TP73: variants seen among roughly 807,000 people sequenced by gnomAD.
The protein encoded by TP73 is tumor protein p73.
TP73 carries 25 observed loss-of-function variants against 62.5 expected under a neutral mutation model. That is an observed-to-expected ratio of 0.40 (90% CI 0.29 to 0.56). TP73 has a LOEUF of 0.56. Ranked by LOEUF, TP73 falls within the 20% of genes least tolerant of loss-of-function variation. The probability of loss-of-function intolerance (pLI) is 0.46; values close to 1 mark genes in which losing one functional copy is unlikely to be tolerated. For missense variants in TP73, 754 were observed against 913.3 expected (o/e 0.83, Z 2.25); for synonymous variants, 423 against 377.5 (o/e 1.12, Z -1.40).
intron 6 of TP73, 37 bp downstream of exon 6, chr1:3,723,506 G>C (rs751324749): frequency 4.3e-6 from 6 of 1,394,486 alleles, no homozygotes; most frequent in Non-Finnish European, 6.1e-6. Context: ...GGGCCCTGCA[G>C]TCAGCTGTAC....
intron 6 of TP73, among the ~76,000 whole-genome samples, chr1:3,726,267 G>A: frequency 9.2e-6 from 1 of 108,246 alleles, no homozygotes; most frequent in Non-Finnish European, 2.1e-5. Flanking sequence ...GGGTGTGGGG[G>A]GTGGATGTGT....
At position 3,727,675 on chromosome 1, in the gene TP73, G is replaced by A. The variant is rs2124520741; in HGVS notation, c.890G>A (p.Cys297Tyr). Residue 297 changes from cysteine (C) to tyrosine (Y), a missense_variant, in exon 8 of 14, where the codon TGT (cysteine) becomes TAT (tyrosine). This residue lies in a region of TP73 where 458 missense variants were observed against 528.7 expected (regional missense o/e 0.87). Transcript: ENST00000378295. Reference protein sequence around the residue: ...RRSFEGRICACPGRDRKADED... With the variant: ...RRSFEGRICAYPGRDRKADED... ...TCCTTTGAGGGCCGCATCTGCGCCT[G>A]TCCTGGCCGCGACCGAAAAGCTGAT... 6.3e-7 allele frequency: 1 copy of A among 1,597,240 alleles called. No individual in the cohort carries two copies.
intron 4 of TP73, among the ~76,000 whole-genome samples, chr1:3,717,802 G>T (rs1027343058): frequency 6.6e-6 from 1 of 152,178 alleles, no homozygotes; most frequent in African/African-American, 2.4e-5. Flanking sequence ...CCCAGATGCT[G>T]CCAGGGCAGG....
At position 3,663,886 on chromosome 1, in the gene TP73, C is replaced by T. The variant is rs1230085367; in HGVS notation, c.-34+11245C>T. 6.6e-6 allele frequency among the ~76,000 whole-genome samples: 1 copy of T among 152,156 alleles called. No homozygotes were observed. The highest frequency in any genetic ancestry group is 2.4e-5 in the African/African-American group (1 of 41,432). ...GTGACAGGGAGCAGGAGAGAGCATA[C>T]CTGCTTTCCCTGGCTTCTCAGATGC... On this transcript the variant is annotated intron_variant, in intron 1 of 13. Coordinates refer to ENST00000378295, the MANE Select transcript of TP73 (RefSeq NM_005427.4). The surrounding 1 kb of genome is among the most constrained non-coding windows in gnomAD (Gnocchi z 4.7).
At chr1:3,712,452 A>T (rs949821125) in intron 4 of TP73, 6 of 152,058 alleles carry the variant, frequency 3.9e-5, no homozygotes, top group African/African-American at 1.4e-4. Context: ...GAGGTCACAG[A>T]ACTTAGCCTT....
rs1640677039 is a variant in TP73 at position 3,717,231 on chromosome 1, C to T, written c.430-4790C>T. Among the ~76,000 whole-genome samples, 2 of 152,214 alleles carry T rather than the reference C, an allele frequency of 1.3e-5. 1 individual carries two copies. The highest frequency in any genetic ancestry group is 4.1e-4 in the South Asian group (2 of 4,826). The stretch of plus-strand genomic sequence containing the variant: ...GCGGGCACAAGGAAATTAGCAGCCC[C>T]CCGCTGCACCCTCCCCTCACCCACC... On this transcript the variant is annotated intron_variant, in intron 4 of 13. Transcript: ENST00000378295.
rs2124521699 is a variant in TP73, at chr1:3,727,784, CA to C, written c.985+15del. The stretch of plus-strand genomic sequence containing the variant: ...CCAGCAAGCGTGGTGAGCGGCCGGC[CA>C]GGGGAACTGGACGCGTGTGGGAGGA... On this transcript the variant is annotated intron_variant, in intron 8 of 13. Transcript: ENST00000378295. 1.3e-6 allele frequency: 2 copies of C among 1,525,212 alleles called. No individual in the cohort carries two copies. The highest frequency in any genetic ancestry group is 8.8e-7 in the Non-Finnish European group (1 of 1,134,976). 94.5% of individuals were successfully genotyped at this position (1,525,212 alleles called of 1,614,324 possible). A position where few individuals can be genotyped will look rare whatever the true frequency, so the allele number is the denominator to read the frequency against.
intron 1 of TP73, among the ~76,000 whole-genome samples, chr1:3,676,647 G>A (rs1645379222): frequency 1.3e-5 from 2 of 152,128 alleles, no homozygotes; most frequent in African/African-American, 4.8e-5. Flanking sequence ...GTGCGGCCAG[G>A]CCATCAGAGG....
intron 1 of TP73, among the ~76,000 whole-genome samples, chr1:3,658,040 G>A (rs535833567): frequency 8.5e-5 from 13 of 152,360 alleles, no homozygotes; most frequent in African/African-American, 2.9e-4. Flanking sequence ...ACCTCTCAGG[G>A]AGTTGGACAG....
In TP73 at chr1:3,735,200, A is replaced by C. The variant is rs1278311599; in HGVS notation, c.*2121A>C. ...CCCGAGGCCACCTCCTGAAGCCCCC[A>C]CTCTTCCCCCATGTTCCACTTCAGG... is the stretch of plus-strand genomic sequence containing the variant. On this transcript the variant is annotated 3_prime_UTR_variant, in exon 14 of 14. Coordinates refer to ENST00000378295, the MANE Select transcript of TP73 (RefSeq NM_005427.4). The C allele has an allele frequency of 6.6e-6, 1 of 151,598 alleles. No homozygotes were observed. The highest frequency in any genetic ancestry group is 2.4e-5 in the African/African-American group (1 of 41,154). 9.4% of individuals were successfully genotyped at this position (151,598 alleles called of 1,614,324 possible).
chr1:3,733,081 G>C lies in TP73; in HGVS notation c.*2G>C. On this transcript the variant is annotated 3_prime_UTR_variant, in exon 14 of 14. Coordinates refer to ENST00000378295, the MANE Select transcript of TP73 (RefSeq NM_005427.4). Reference sequence around the variant, plus strand: ...TTCACGGAGGCCGAGATCCACTGAGGGCCTCGCCTGGCTGCAGCCTGCGCC... The same window carrying C: ...TTCACGGAGGCCGAGATCCACTGAGCGCCTCGCCTGGCTGCAGCCTGCGCC... 6.6e-7 allele frequency: 1 copy of C among 1,526,474 alleles called. No individual in the cohort carries two copies. The highest frequency in any genetic ancestry group is 8.8e-7 in the Non-Finnish European group (1 of 1,139,184). 94.6% of individuals were successfully genotyped at this position (1,526,474 alleles called of 1,614,324 possible). A position where few individuals can be genotyped will look rare whatever the true frequency, so the allele number is the denominator to read the frequency against.
intron 6 of TP73, among the ~76,000 whole-genome samples, chr1:3,724,054 G>A (rs2124489528): frequency 2.0e-5 from 3 of 152,248 alleles, no homozygotes; most frequent in Middle Eastern, 6.8e-3. Context: ...GGGGACTGGG[G>A]GGCATATAGG....
intron 3 of TP73, among the ~76,000 whole-genome samples, chr1:3,697,890 C>G (rs1638810073): frequency 6.6e-6 from 1 of 152,202 alleles, no homozygotes; most frequent in African/African-American, 2.4e-5. Flanking sequence ...CCTGGACCGC[C>G]TTCTCCACCT....
At chr1:3,676,784 C>T (rs1645382208) in intron 1 of TP73, among the ~76,000 whole-genome samples, 1 of 151,900 alleles carries the variant, frequency 6.6e-6, no homozygotes, top group Admixed American at 6.6e-5. Context: ...TGAGGCCCTG[C>T]AAAGTGCCTG....
At chr1:3,716,870 G>A (rs926424892) in intron 4 of TP73, among the ~76,000 whole-genome samples, 1 of 152,174 alleles carries the variant, frequency 6.6e-6, no homozygotes, top group Non-Finnish European at 1.5e-5. Context: ...TCTAGGGAGA[G>A]GAAGGGTCCA....
chr1:3,707,111 G>A (rs549300133), intron 3 of TP73, among the ~76,000 whole-genome samples: 17 of 152,260 alleles, frequency 1.1e-4, no homozygotes, highest in Middle Eastern at 3.4e-3. Flanking sequence ...TGCACTCAGG[G>A]CCCACTTGTG....
In TP73 at chr1:3,730,799, T is replaced by A; in HGVS notation, c.1346-128T>A. The A allele has an allele frequency of 2.4e-6, 3 of 1,251,458 alleles. No individual in the cohort carries two copies. The South Asian group carries it at 4.4e-5, about 19-fold the overall frequency. The allele number at this position is 1,251,458 out of a possible 1,614,324, so 77.5% of individuals were successfully genotyped here. A position where few individuals can be genotyped will look rare whatever the true frequency, so the allele number is the denominator to read the frequency against. On this transcript the variant is annotated intron_variant, in intron 11 of 13. Coordinates refer to ENST00000378295, the MANE Select transcript of TP73 (RefSeq NM_005427.4). ...TCAAGCCTCTAGCTGGCAGGGGTGA[T>A]GCCCAGCGTCACATCGCCAGGCCTT...
chr1:3,690,467 G>GC (rs1184942528), intron 3 of TP73, among the ~76,000 whole-genome samples: 1 of 152,176 alleles, frequency 6.6e-6, no homozygotes, highest in East Asian at 1.9e-4. Flanking sequence ...AGGGCCTGGG[G>GC]CCCCCCGAGC....
At position 3,665,172 on chromosome 1, in the gene TP73, A is replaced by G. The variant is rs187769272; in HGVS notation, c.-34+12531A>G. On this transcript the variant is annotated intron_variant, in intron 1 of 13. Transcript: ENST00000378295. The stretch of plus-strand genomic sequence containing the variant: ...CTCATAATTACAAGAGTCTCCTGTC[A>G]TGTTTTCTTCTGGAGCGAGGCATGC... 5.3e-5 allele frequency among the ~76,000 whole-genome samples: 8 copies of G among 152,154 alleles called. No individual in the cohort carries two copies. In the East Asian group the frequency reaches 1.6e-3, roughly 30 times the overall value.
Sources: gnomAD v4.1 joint callset for allele counts (sites outside exome capture counted in the v4.1 genomes callset) on GRCh38, gnomAD v4.1.1 for gene constraint, gnomAD v4.1.1 regional missense constraint, Gnocchi (gnomAD v3.1) non-coding constraint, MANE v1.5 for transcripts, NCBI Gene and HGNC (gene_info 2026-07-23, HGNC 2026-07-21) for gene names.